Variants in KANSL1 observed in about 807,000 individuals in gnomAD.
The protein encoded by KANSL1 is KAT8 regulatory NSL complex subunit 1.
Under a neutral mutation model 103.6 loss-of-function variants are expected in KANSL1, and 22 were observed. The ratio of observed to expected loss-of-function variants is 0.21; its 90% confidence interval spans 0.15 to 0.30. The LOEUF (loss-of-function observed/expected upper bound fraction) is 0.30. KANSL1 is among the 10% of genes least tolerant of loss of function. KANSL1 has a pLI of 1.00. For synonymous variants in KANSL1, 600 were observed against 527.6 expected (o/e 1.14, Z -1.88); for missense variants, 1,337 against 1,399.8 (o/e 0.96, Z 0.72).
rs144381998 is a variant in KANSL1, at chr17:46,118,171, T to C, written c.1290-23470A>G. Among the ~76,000 whole-genome samples the C allele has an allele frequency of 2.2e-4, 34 of 152,372 alleles. 2 individuals carry two copies. The East Asian group carries it at 6.0e-3, about 27-fold the overall frequency. The stretch of plus-strand genomic sequence containing the variant: ...TTTAAACTCTTAGATAAAAGAGCAC[T>C]AACTGAGGGTCATGTTCCCGACGTT... On this transcript the variant is annotated intron_variant, in intron 2 of 14. Transcript: ENST00000432791.
intron 2 of KANSL1, among the ~76,000 whole-genome samples, chr17:46,097,064 C>T (rs759670348): frequency 6.6e-6 from 1 of 152,236 alleles, no homozygotes; most frequent in African/African-American, 2.4e-5. Context: ...ACATAAACTA[C>T]ACATTCCTCT....
chr17:46,166,577 A>G (rs1316454626), intron 2 of KANSL1, among the ~76,000 whole-genome samples: 1 of 152,200 alleles, frequency 6.6e-6, no homozygotes, highest in Non-Finnish European at 1.5e-5. Flanking sequence ...CAAAATTCAA[A>G]TAAGCGCTTT....
At chr17:46,122,327 A>G (rs1039169965) in intron 2 of KANSL1, among the ~76,000 whole-genome samples, 3 of 152,244 alleles carry the variant, frequency 2.0e-5, no homozygotes, top group African/African-American at 7.2e-5. Flanking sequence ...TAACACAGCC[A>G]CAAAGCATAC....
intron 2 of KANSL1, among the ~76,000 whole-genome samples, chr17:46,110,912 T>C (rs73317093): frequency 0.019 from 2,863 of 152,140 alleles, 91 homozygotes; most frequent in African/African-American, 0.064. Flanking sequence ...TAGGTAGAAA[T>C]AGTATTACAA....
chr17:46,138,700 C>T (rs1054505053), intron 2 of KANSL1, among the ~76,000 whole-genome samples: 4 of 152,216 alleles, frequency 2.6e-5, no homozygotes, highest in Non-Finnish European at 4.4e-5. Context: ...TGAATACATA[C>T]GTGGCTAAGG....
At chr17:46,162,861 A>C (rs1376660851) in intron 2 of KANSL1, among the ~76,000 whole-genome samples, 1 of 152,238 alleles carries the variant, frequency 6.6e-6, no homozygotes, top group African/African-American at 2.4e-5. Context: ...TGTAAAATAC[A>C]CTATACTTTG....
intron 6 of KANSL1, among the ~76,000 whole-genome samples, chr17:46,055,758 T>C: frequency 6.6e-6 from 1 of 152,226 alleles, no homozygotes; most frequent in East Asian, 1.9e-4. Flanking sequence ...GTTACAGTAA[T>C]TAAAATAATC....
intron 6 of KANSL1, among the ~76,000 whole-genome samples, chr17:46,052,691 T>C (rs1041212191): frequency 2.7e-5 from 4 of 148,750 alleles, no homozygotes; most frequent in Admixed American, 1.4e-4. Context: ...ACAACTGTAA[T>C]CCCAAAACTT....
At chr17:46,106,329 C>G (rs924397754) in intron 2 of KANSL1, among the ~76,000 whole-genome samples, 2 of 152,152 alleles carry the variant, frequency 1.3e-5, no homozygotes, top group East Asian at 3.9e-4. Context: ...TTAAGTCTCA[C>G]GTACCTTTAT....
At chr17:46,097,288 C>A (rs1314862694) in intron 2 of KANSL1, among the ~76,000 whole-genome samples, 1 of 152,118 alleles carries the variant, frequency 6.6e-6, no homozygotes, top group Non-Finnish European at 1.5e-5. Flanking sequence ...AGATTAAGTA[C>A]ACACAAGTAG....
intron 2 of KANSL1, among the ~76,000 whole-genome samples, chr17:46,143,819 A>G (rs1282704255): frequency 1.4e-5 from 2 of 147,740 alleles, no homozygotes; most frequent in African/African-American, 4.9e-5. Flanking sequence ...AAAAAAAAAA[A>G]AAAAAAAAAG....
chr17:46,089,139 T>C (rs1348434044), intron 3 of KANSL1, among the ~76,000 whole-genome samples: 1 of 152,238 alleles, frequency 6.6e-6, no homozygotes, highest in Non-Finnish European at 1.5e-5. Context: ...GGTACGTATA[T>C]TGTTTTCGTT....
intron 2 of KANSL1, among the ~76,000 whole-genome samples, chr17:46,102,257 CTTTTT>C (rs372702592): frequency 6.7e-6 from 1 of 150,172 alleles, no homozygotes; most frequent in African/African-American, 2.4e-5. Flanking sequence ...AGAGCCAATA[CTTTTT>C]TTTTTGAGAT....
intron 2 of KANSL1, among the ~76,000 whole-genome samples, chr17:46,106,701 ATT>A (rs781334085): frequency 3.3e-5 from 5 of 152,126 alleles, no homozygotes; most frequent in Admixed American, 6.6e-5. Flanking sequence ...CTGAGACCAT[ATT>A]TTCAGAAATA....
chr17:46,059,647 A>AGAGAGAGAGAG (rs149985527), intron 6 of KANSL1, among the ~76,000 whole-genome samples: 1,268 of 54,600 alleles, frequency 0.023, 19 homozygotes, highest in South Asian at 0.083. Context: ...AAAAAAAAAA[A>AGAGAGAGAGAG]AGAGAGAGAG....
intron 7 of KANSL1, among the ~76,000 whole-genome samples, chr17:46,047,802 T>TAAAAAAAAAAAAAA (rs66740033): frequency 8.3e-6 from 1 of 120,130 alleles, no homozygotes; most frequent in Non-Finnish European, 1.8e-5. Context: ...AAATAAAAAT[T>TAAAAAAAAAAAAAA]AAAAAAAAAA....
intron 7 of KANSL1, among the ~76,000 whole-genome samples, chr17:46,047,038 G>C (rs924330061): frequency 1.3e-5 from 2 of 152,114 alleles, no homozygotes; most frequent in Non-Finnish European, 2.9e-5. Flanking sequence ...TCCACTCATT[G>C]TGTTCAAGTT....
intron 1 of KANSL1, among the ~76,000 whole-genome samples, chr17:46,180,015 G>A (rs952906551): frequency 1.3e-5 from 2 of 151,644 alleles, no homozygotes; most frequent in Non-Finnish European, 2.9e-5. Context: ...AGTGAGCTGA[G>A]ATCGGGCCAC....
upstream of KANSL1, among the ~76,000 whole-genome samples, chr17:46,195,767 G>T (rs1247212496): frequency 6.6e-6 from 1 of 152,104 alleles, no homozygotes; most frequent in Non-Finnish European, 1.5e-5. Context: ...GTCTCCCTAT[G>T]TTGCCCAGGC....
Sources: allele counts gnomAD v4.1 joint callset (sites outside exome capture counted in the v4.1 genomes callset), GRCh38; gene constraint gnomAD v4.1.1; transcripts MANE v1.5; gene names NCBI Gene and HGNC (gene_info 2026-07-23, HGNC 2026-07-21).